Variants in OCRL observed in about 807,000 individuals in gnomAD.
The protein encoded by OCRL is OCRL inositol polyphosphate-5-phosphatase.
In OCRL, 8 loss-of-function variants were observed where a neutral mutation model predicts 78.9. That is an observed-to-expected ratio of 0.10 (90% CI 0.06 to 0.18). The LOEUF (loss-of-function observed/expected upper bound fraction) is 0.18, where lower values mean the gene tolerates loss of function less well. Ranked by LOEUF, OCRL falls within the 10% of genes least tolerant of loss-of-function variation. OCRL has a pLI of 1.00. For synonymous variants in OCRL, 240 were observed against 235.4 expected, an observed-to-expected ratio of 1.02 and a Z score of -0.18; for missense variants, 454 against 696.7, an observed-to-expected ratio of 0.65 and a Z score of 3.92.
At chrX:129,584,316 T>C in intron 18 of OCRL, 28 bp from the exon 19 acceptor site, 1 of 1,193,713 alleles carries the variant, frequency 8.4e-7, no homozygotes, top group South Asian at 1.8e-5. Flanking sequence ...TGTCTGTCAA[T>C]GACTTTCTTT....
chrX:129,572,295 C>T (rs1044363189), intron 15 of OCRL, among the ~76,000 whole-genome samples: 2 of 111,539 alleles, frequency 1.8e-5, no homozygotes, highest in Non-Finnish European at 3.8e-5. Flanking sequence ...TGGAGAACCT[C>T]CCATCTTATT....
intron 13 of OCRL, 116 bp downstream of exon 13, chrX:129,565,999 A>C: frequency 1.9e-6 from 1 of 526,972 alleles, no homozygotes; most frequent in Non-Finnish European, 3.3e-6. Context: ...TCTTGTGAAA[A>C]CAGTGTGACT....
intron 20 of OCRL, 127 bp downstream of exon 20, chrX:129,587,245 A>G: frequency 1.9e-6 from 1 of 535,326 alleles, no homozygotes; most frequent in Admixed American, 2.4e-5. Context: ...GCACTGTCAG[A>G]TCGACTGGGT....
At chrX:129,582,538 T>G (rs1936456065) in intron 18 of OCRL, among the ~76,000 whole-genome samples, 1 of 112,328 alleles carries the variant, frequency 8.9e-6, no homozygotes, top group South Asian at 3.7e-4. Context: ...GGAGGAAAAA[T>G]ATAAAATGTG....
intron 4 of OCRL, among the ~76,000 whole-genome samples, chrX:129,553,845 C>T (rs1469690027): frequency 9.0e-6 from 1 of 111,052 alleles, no homozygotes; most frequent in Non-Finnish European, 1.9e-5. Context: ...AGGTTGCTTC[C>T]TATGATAGAG....
At chrX:129,579,465 GTC>G (rs1026820003) in intron 18 of OCRL, among the ~76,000 whole-genome samples, 3 of 111,613 alleles carry the variant, frequency 2.7e-5, no homozygotes, top group African/African-American at 6.5e-5. Context: ...TGTATGTGTT[GTC>G]TCTCTATGTA....
intron 3 of OCRL, 81 bp downstream of exon 3, chrX:129,545,118 A>C (rs1935861643): frequency 1.8e-6 from 1 of 563,710 alleles, no homozygotes; most frequent in African/African-American, 2.2e-5. Flanking sequence ...TACATATTTA[A>C]ATTTGTCAGT....
chrX:129,581,877 C>G lies in OCRL; in HGVS notation c.2116-2467C>G, dbSNP rs183141781. 4.0e-5 allele frequency among the ~76,000 whole-genome samples: 4 copies of G among 99,423 alleles called. No homozygotes were observed. In the Admixed American group the frequency reaches 4.6e-4, roughly 11 times the overall value. The allele number at this position is 99,423 out of a possible 115,157, so 86.3% of individuals were successfully genotyped here. On this transcript the variant is annotated intron_variant, in intron 18 of 23. Transcript: ENST00000371113. Reference sequence around the variant, plus strand: ...TCTCTCTCTCTCTCTGTCTCTGTCTCTGCCCTTCATTTTTTCCTATTCAGG... The same window carrying G: ...TCTCTCTCTCTCTCTGTCTCTGTCTGTGCCCTTCATTTTTTCCTATTCAGG...
At chrX:129,578,605 C>CAA (rs1569462201) in intron 18 of OCRL, among the ~76,000 whole-genome samples, 2 of 110,477 alleles carry the variant, frequency 1.8e-5, no homozygotes, top group African/African-American at 6.6e-5. Flanking sequence ...AAAAACTTTG[C>CAA]AGTTTTTCAT....
intron 18 of OCRL, among the ~76,000 whole-genome samples, chrX:129,576,861 G>A (rs1184390662): frequency 1.8e-5 from 2 of 111,529 alleles, no homozygotes; most frequent in Non-Finnish European, 3.8e-5. Context: ...AGTCACTTTT[G>A]TATAAATTAG....
chrX:129,586,475 G>T (rs937222841), intron 19 of OCRL, among the ~76,000 whole-genome samples: 1 of 112,374 alleles, frequency 8.9e-6, no homozygotes, highest in African/African-American at 3.2e-5. Flanking sequence ...GTCTAATGTT[G>T]TGGAGAGTTG....
At chrX:129,560,018 C>T (rs1358543655) in intron 8 of OCRL, among the ~76,000 whole-genome samples, 1 of 112,029 alleles carries the variant, frequency 8.9e-6, no homozygotes, top group Non-Finnish European at 1.9e-5. Flanking sequence ...TCATATCCCC[C>T]ACTATGCTTA....
chrX:129,589,739 T>G, intron 22 of OCRL, 106 bp from the exon 23 acceptor site: 1 of 560,110 alleles, frequency 1.8e-6, no homozygotes, highest in South Asian at 2.4e-5. Context: ...ATGAAATGGG[T>G]CCTGCAAGGG....
chrX:129,583,838 C>A (rs1936475556), intron 18 of OCRL, among the ~76,000 whole-genome samples: 1 of 110,975 alleles, frequency 9.0e-6, no homozygotes, highest in Non-Finnish European at 1.9e-5. Context: ...CTCTGGGGGC[C>A]TTTGAGGAGG....
intron 4 of OCRL, among the ~76,000 whole-genome samples, chrX:129,556,108 AAGAC>A (rs1936045114): frequency 8.9e-6 from 1 of 112,125 alleles, no homozygotes; most frequent in Non-Finnish European, 1.9e-5. Flanking sequence ...TCATTTTACA[AAGAC>A]AGAAAGAAGA....
At chrX:129,542,363 C>G (rs1410909217) in intron 2 of OCRL, among the ~76,000 whole-genome samples, 1 of 106,844 alleles carries the variant, frequency 9.4e-6, no homozygotes. Flanking sequence ...TAACTAACAA[C>G]TAATATAGTT....
At position 129,588,204 on chromosome X, in the gene OCRL, T is replaced by G. The variant is rs1336177262; in HGVS notation, c.2282T>G (p.Met761Arg). 6 of 1,207,691 alleles carry G rather than the reference T, an allele frequency of 5.0e-6. No individual in the cohort carries two copies. In the Admixed American group the frequency reaches 1.3e-4, roughly 26 times the overall value. The change falls in exon 21 of 24, where the codon ATG becomes AGG. Residue 761 changes from methionine (M) to arginine (R), a missense_variant. By Grantham distance (91) the Met-to-Arg change is moderately conservative. This residue lies in a region of OCRL where 277 missense variants were observed against 517.1 expected (regional missense o/e 0.54). Transcript: ENST00000371113. ...GAGGACCTGTTCCAGACCCCTGGAATGCAGGAAGAGCTCCAGCAGATCATT... is the reference window on the plus strand; with the variant it reads ...GAGGACCTGTTCCAGACCCCTGGAAGGCAGGAAGAGCTCCAGCAGATCATT... Reference protein sequence around the residue: ...HQEDLFQTPGMQEELQQIIDC... With the variant: ...HQEDLFQTPGRQEELQQIIDC...
chrX:129,578,064 G>A (rs1357058871), intron 18 of OCRL, among the ~76,000 whole-genome samples: 1 of 111,157 alleles, frequency 9.0e-6, no homozygotes, highest in African/African-American at 3.3e-5. Flanking sequence ...TATACACACA[G>A]ATGTTTTTTG....
At chrX:129,556,894 T>A (rs759490131) in intron 4 of OCRL, among the ~76,000 whole-genome samples, 1 of 112,420 alleles carries the variant, frequency 8.9e-6, no homozygotes, top group Non-Finnish European at 1.9e-5. Context: ...ATTCCCTTCA[T>A]GCTTCAGATA....
Sources: gnomAD v4.1 joint callset for allele counts (sites outside exome capture counted in the v4.1 genomes callset) on GRCh38, gnomAD v4.1.1 for gene constraint, gnomAD v4.1.1 regional missense constraint, MANE v1.5 for transcripts, NCBI Gene and HGNC (gene_info 2026-07-23, HGNC 2026-07-21) for gene names.